Variants in NCOA2 observed in about 807,000 individuals in gnomAD.
The protein encoded by NCOA2 is nuclear receptor coactivator 2.
NCOA2 carries 21 observed loss-of-function variants against 145.1 expected under a neutral mutation model. That is an observed-to-expected ratio of 0.14 (90% CI 0.10 to 0.21). The LOEUF (loss-of-function observed/expected upper bound fraction) is 0.21. Ranked by LOEUF, NCOA2 falls within the 10% of genes least tolerant of loss-of-function variation. NCOA2 has a pLI of 1.00. For synonymous variants in NCOA2, 619 were observed against 637.5 expected (o/e 0.97, Z 0.44); for missense variants, 1,472 against 1,837.6 (o/e 0.80, Z 3.64).
At chr8:70,273,673 C>G in intron 2 of NCOA2, 1 of 672,058 alleles carries the variant, frequency 1.5e-6, no homozygotes, top group East Asian at 3.3e-5. Flanking sequence ...TACCCAGAAT[C>G]TTAAACCAGC....
intron 18 of NCOA2, among the ~76,000 whole-genome samples, chr8:70,128,211 C>T (rs370031043): frequency 6.6e-6 from 1 of 152,190 alleles, no homozygotes; most frequent in Non-Finnish European, 1.5e-5. Flanking sequence ...CTTTATGTAG[C>T]ACAACTTCTT....
At chr8:70,147,840 C>G (rs981647545) in intron 12 of NCOA2, among the ~76,000 whole-genome samples, 1 of 151,836 alleles carries the variant, frequency 6.6e-6, no homozygotes, top group African/African-American at 2.4e-5. Flanking sequence ...TTGTTACTAC[C>G]AGCTGAGCAG....
the NCOA2 span, among the ~76,000 whole-genome samples, chr8:70,417,245 T>TAAAAAAAAAAAAAA: frequency 4.5e-4 from 35 of 77,994 alleles, 6 homozygotes; most frequent in African/African-American, 2.3e-3. Context: ...TCGTCTCTAT[T>TAAAAAAAAAAAAAA]AAAAAAAAAA....
chr8:70,342,734 C>A (rs1808244193), intron 1 of NCOA2, among the ~76,000 whole-genome samples: 1 of 148,116 alleles, frequency 6.8e-6, no homozygotes, highest in African/African-American at 2.5e-5. Flanking sequence ...AAAAGGACTT[C>A]TCCCTAGCCC....
the NCOA2 span, among the ~76,000 whole-genome samples, chr8:70,445,929 C>T: frequency 5.3e-5 from 8 of 152,150 alleles, no homozygotes; most frequent in Non-Finnish European, 1.2e-4. Flanking sequence ...GGAGAGAGCA[C>T]AGAAAAAATA....
intron 1 of NCOA2, among the ~76,000 whole-genome samples, chr8:70,300,934 A>G (rs144778175): frequency 2.6e-5 from 4 of 152,268 alleles, no homozygotes; most frequent in African/African-American, 9.6e-5. Context: ...CCCTGCTACT[A>G]TCATGTCCAC....
chr8:70,179,419 G>A (rs1815228232), intron 4 of NCOA2, among the ~76,000 whole-genome samples: 1 of 152,052 alleles, frequency 6.6e-6, no homozygotes, highest in African/African-American at 2.4e-5. Flanking sequence ...TACCGGAGGA[G>A]GAAAAGAAGG....
chr8:70,212,067 A>G (rs1251609196), intron 4 of NCOA2, among the ~76,000 whole-genome samples: 1 of 920 alleles, frequency 1.1e-3, no homozygotes, highest in African/African-American at 8.9e-3. Flanking sequence ...TTTGTGGCGC[A>G]TATATATATA....
chr8:70,216,712 A>G lies in NCOA2; in HGVS notation c.34T>C (p.Ser12Pro), dbSNP rs1819655077. ...TTGCGCTTTCTTGTCTCTGCCCTGG[A>G]GGGGTCAGAGGTATTTTCTCCCATC... ...SGMGENTSDP[S>P]RAETRKRKEC... The change falls in exon 3 of 23, where the codon TCC (serine) becomes CCC (proline). Residue 12 changes from serine to proline, a missense_variant. This residue lies in a region of NCOA2 where 284 missense variants were observed against 467.8 expected (regional missense o/e 0.61). Coordinates refer to ENST00000452400, the MANE Select transcript of NCOA2 (RefSeq NM_006540.4). 4 of 1,613,662 alleles carry G rather than the reference A, an allele frequency of 2.5e-6. No homozygotes were observed.
rs180794048 is a variant in NCOA2 at position 70,117,938 on chromosome 8, G to C, written c.4383+3364C>G. On this transcript the variant is annotated intron_variant, in intron 22 of 22. Coordinates refer to ENST00000452400, the MANE Select transcript of NCOA2 (RefSeq NM_006540.4). Reference sequence around the variant, plus strand: ...AGTGTTCTGCTTTTATAGTAGGTGAGTCTCTTCTTGGAGGTTACATGGCAG... The same window carrying C: ...AGTGTTCTGCTTTTATAGTAGGTGACTCTCTTCTTGGAGGTTACATGGCAG... 9.1e-4 allele frequency among the ~76,000 whole-genome samples: 139 copies of C among 152,360 alleles called. 5 individuals carry two copies. The East Asian group carries it at 0.025, about 27-fold the overall frequency.
intron 1 of NCOA2, among the ~76,000 whole-genome samples, chr8:70,330,486 G>T (rs1806997166): frequency 6.6e-6 from 1 of 151,270 alleles, no homozygotes; most frequent in African/African-American, 2.4e-5. Flanking sequence ...TGGAAAGATT[G>T]TTGGAGCCCA....
chr8:70,162,281 G>A (rs1481975717), intron 9 of NCOA2, among the ~76,000 whole-genome samples: 1 of 152,156 alleles, frequency 6.6e-6, no homozygotes, highest in Non-Finnish European at 1.5e-5. Flanking sequence ...GAAACACCTG[G>A]ATAGTCTTTG....
chr8:70,207,372 T>C (rs985646410), intron 4 of NCOA2, among the ~76,000 whole-genome samples: 1 of 152,166 alleles, frequency 6.6e-6, no homozygotes, highest in African/African-American at 2.4e-5. Flanking sequence ...CCTCTTTATC[T>C]GAAAGCTGTT....
intron 1 of NCOA2, among the ~76,000 whole-genome samples, chr8:70,377,703 T>C (rs559547411): frequency 2.0e-5 from 3 of 152,142 alleles, no homozygotes; most frequent in Non-Finnish European, 4.4e-5. Context: ...AATGGAAATA[T>C]GTAAATTAGT....
intron 1 of NCOA2, among the ~76,000 whole-genome samples, chr8:70,342,626 G>C (rs1173061982): frequency 1.3e-5 from 2 of 151,584 alleles, no homozygotes; most frequent in Admixed American, 6.6e-5. Flanking sequence ...GTCACATGCT[G>C]AATTAATGCC....
intron 22 of NCOA2, 72 bp from the exon 23 acceptor site, chr8:70,113,715 A>G (rs938905592): frequency 1.2e-5 from 17 of 1,381,014 alleles, no homozygotes; most frequent in Non-Finnish European, 1.7e-5. Context: ...AGCCCACCAC[A>G]AAAACATCAA....
Position 70,162,758 on chromosome 8 carries a change from T to C in NCOA2, c.929A>G (p.Gln310Arg), listed in dbSNP as rs575349535. 1 of 1,613,920 alleles carries C rather than the reference T, an allele frequency of 6.2e-7. No individual in the cohort carries two copies. The highest frequency in any genetic ancestry group is 2.2e-5 in the East Asian group (1 of 44,870). Residue 310 changes from glutamine (Q) to arginine (R), a missense_variant, in exon 9 of 23, where the codon CAG (glutamine) becomes CGG (arginine). Physicochemically the swap from Gln to Arg is conservative, Grantham distance 43. Transcript: ENST00000452400. ...VRRCIQKFHA[Q>R]HEGESVSYAK... Reference sequence around the variant, plus strand: ...ATAGGACACAGATTCTCCTTCATGCTGCGCATGGAACTTCTGAATACACCT... The same window carrying C: ...ATAGGACACAGATTCTCCTTCATGCCGCGCATGGAACTTCTGAATACACCT...
chr8:70,446,811 T>C, the NCOA2 span, among the ~76,000 whole-genome samples: 1 of 152,190 alleles, frequency 6.6e-6, no homozygotes, highest in African/African-American at 2.4e-5. Context: ...GATAAGAAAA[T>C]ATGCCATTTA....
At chr8:70,196,040 C>G (rs922381588) in intron 4 of NCOA2, among the ~76,000 whole-genome samples, 18 of 152,184 alleles carry the variant, frequency 1.2e-4, no homozygotes, top group Non-Finnish European at 2.5e-4. Context: ...AGATAGTGTT[C>G]ATGGCCATGA....
Sources: allele counts gnomAD v4.1 joint callset (sites outside exome capture counted in the v4.1 genomes callset), GRCh38; gene constraint gnomAD v4.1.1; regional missense constraint gnomAD v4.1.1; transcripts MANE v1.5; gene names NCBI Gene and HGNC (gene_info 2026-07-23, HGNC 2026-07-21).